Variants in OTOG observed in about 807,000 individuals in gnomAD.
OTOG encodes the protein otogelin.
A neutral mutation model predicts 313.8 loss-of-function variants in OTOG; 296 were observed. That is an observed-to-expected ratio of 0.94 (90% CI 0.86 to 1.04). OTOG has a LOEUF of 1.04. Ranked by LOEUF, OTOG falls within the 50% of genes least tolerant of loss-of-function variation. The probability of loss-of-function intolerance (pLI) is 0.00; values close to 1 mark genes in which losing one functional copy is unlikely to be tolerated. For missense variants in OTOG, 3,948 were observed against 3,840.1 expected (o/e 1.03, Z -0.74); for synonymous variants, 1,533 against 1,554.9 (o/e 0.99, Z 0.33).
At chr11:17,562,919 T>A (rs540666984) in intron 15 of OTOG, among the ~76,000 whole-genome samples, 79 of 152,248 alleles carry the variant, frequency 5.2e-4, no homozygotes, top group African/African-American at 1.9e-3. Flanking sequence ...CTGGGCCCTA[T>A]AGTTTGGTGG....
intron 54 of OTOG, among the ~76,000 whole-genome samples, chr11:17,643,794 T>C (rs1848020583): frequency 1.3e-5 from 2 of 152,200 alleles, no homozygotes; most frequent in African/African-American, 4.8e-5. Flanking sequence ...AGCTCACCAG[T>C]TACTTCGCCT....
chr11:17,602,147 C>T, intron 31 of OTOG, 63 bp from the exon 32 acceptor site: 1 of 1,523,802 alleles, frequency 6.6e-7, no homozygotes, highest in Non-Finnish European at 8.8e-7. Context: ...AGGGGTGGGG[C>T]AGGAGGTATG....
At position 17,596,126 on chromosome 11, in the gene OTOG, G is replaced by T. The variant is rs963618291; in HGVS notation, c.3497G>T (p.Ser1166Ile). The change falls in exon 29 of 56, where the codon AGT becomes ATT. Residue 1166 changes from serine to isoleucine, a missense_variant. Transcript: ENST00000399397. The part of the protein sequence containing the change: ...FAKKECSILL[S>I]EVFEICHPVV... ...AAGAAGGAGTGCAGCATCCTGCTCA[G>T]TGAGGTGTTTGAGATCTGCCACCCT... 110 of 1,550,608 alleles carry T rather than the reference G, an allele frequency of 7.1e-5. 1 individual carries two copies. Among genetic ancestry groups the T allele is most frequent in the Middle Eastern group, 5.0e-4 (3 of 5,992 alleles).
chr11:17,645,579 G>A lies in OTOG; in HGVS notation c.8477G>A (p.Arg2826His), dbSNP rs544815967. 153 of 1,550,608 alleles carry A rather than the reference G, an allele frequency of 9.9e-5. No homozygotes were observed. The African/African-American group carries it at 1.5e-3, about 15-fold the overall frequency. Residue 2826 changes from arginine to histidine, a missense_variant, in exon 55 of 56, where the codon CGC becomes CAC. By Grantham distance (29) the Arg-to-His change is conservative. Transcript: ENST00000399397. ...GTCCCCCCAGGTAAGGAGGATGGGC[G>A]CTCCTGCAAGAAGGTGACCATCCGC... ...GCCRTCKEDG[R>H]SCKKVTIRMT...
chr11:17,643,434 C>T (rs1848012944), intron 53 of OTOG, 27 bp from the exon 54 acceptor site: 1 of 1,419,332 alleles, frequency 7.0e-7, no homozygotes, highest in East Asian at 2.9e-5. Flanking sequence ...CCACACCTAC[C>T]TACCTCCCCC....
At position 17,576,886 on chromosome 11, in the gene OTOG, C is replaced by A. The variant is rs1434923981; in HGVS notation, c.2580C>A (p.Val860=). ...TCTGCAGCCACTGCAAAGATGGAGT[C>A]ATGAGCTGTGATAGCAGAGCCCCAG... ...SLGHCHCKDG[V]MSCDSRAPAA... The change falls in exon 22 of 56, where the codon GTC becomes GTA. Residue 860 remains valine, a synonymous_variant. Transcript: ENST00000399397. The A allele has an allele frequency of 6.4e-7, 1 of 1,550,452 alleles. No homozygotes were observed. The highest frequency in any genetic ancestry group is 1.7e-4 in the Middle Eastern group (1 of 5,990).
intron 23 of OTOG, among the ~76,000 whole-genome samples, chr11:17,580,123 C>G (rs1852632656): frequency 6.6e-6 from 1 of 152,212 alleles, no homozygotes; most frequent in Admixed American, 6.5e-5. Flanking sequence ...TGTCTGGCCA[C>G]CATGCCCTTC....
At chr11:17,598,863 C>T (rs1461874414) in intron 30 of OTOG, among the ~76,000 whole-genome samples, 5 of 152,226 alleles carry the variant, frequency 3.3e-5, no homozygotes, top group African/African-American at 9.6e-5. Context: ...GGGCCTGTCT[C>T]CTGACTCCTA....
chr11:17,550,092 G>C (rs1266850491), intron 3 of OTOG, among the ~76,000 whole-genome samples: 2 of 152,186 alleles, frequency 1.3e-5, no homozygotes, highest in Admixed American at 6.5e-5. Context: ...CTGAAATTCA[G>C]CATCCTTTTC....
rs771604601 is a variant in OTOG at position 17,553,179 on chromosome 11, G to A, written c.353G>A (p.Arg118His). Reference protein sequence around the residue: ...CVHPAFCDCRRFNATGPRCQM... With the variant: ...CVHPAFCDCRHFNATGPRCQM... The stretch of plus-strand genomic sequence containing the variant: ...CACCCAGCCTTCTGTGACTGCAGAC[G>A]CTTCAATGCCACTGGACCGCGCTGC... Residue 118 changes from arginine (R) to histidine (H), a missense_variant, in exon 5 of 56, where the codon CGC becomes CAC. Transcript: ENST00000399397. The A allele has an allele frequency of 7.0e-5, 109 of 1,550,398 alleles. 1 individual carries two copies. The highest frequency in any genetic ancestry group is 1.9e-4 in the African/African-American group (14 of 73,052).
At chr11:17,571,637 T>C (rs1031628356) in intron 17 of OTOG, among the ~76,000 whole-genome samples, 2 of 152,194 alleles carry the variant, frequency 1.3e-5, no homozygotes, top group Admixed American at 1.3e-4. Context: ...GATGTCCCTG[T>C]TTCTTTTTCT....
At chr11:17,587,732 G>T (rs542682942) in intron 24 of OTOG, among the ~76,000 whole-genome samples, 4 of 152,316 alleles carry the variant, frequency 2.6e-5, no homozygotes, top group Admixed American at 1.3e-4. Context: ...GACCCCAGAA[G>T]TCCCTGGGTA....
intron 24 of OTOG, among the ~76,000 whole-genome samples, chr11:17,588,078 A>T (rs976964439): frequency 6.6e-6 from 1 of 152,192 alleles, no homozygotes; most frequent in African/African-American, 2.4e-5. Context: ...AGCTGGGATT[A>T]TTTAGGATTT....
rs1847961864 is a variant in OTOG at position 17,641,104 on chromosome 11, C to T, written c.8190+13C>T. On this transcript the variant is annotated intron_variant, in intron 51 of 55. Transcript: ENST00000399397. ...CCACTGTGAGGCGGTAGGGTGCAGC[C>T]CAGGGCGGGGTGGGTGGGGTTGGGA... 2 of 817,678 alleles carry T rather than the reference C, an allele frequency of 2.4e-6. No individual in the cohort carries two copies. Among genetic ancestry groups the T allele is most frequent in the South Asian group, 1.4e-5 (1 of 69,804 alleles). The allele number at this position is 817,678 out of a possible 1,614,324, so 50.7% of individuals were successfully genotyped here. A position where few individuals can be genotyped will look rare whatever the true frequency, so the allele number is the denominator to read the frequency against.
At chr11:17,642,399 A>T (rs1018469724) in intron 53 of OTOG, among the ~76,000 whole-genome samples, 153 bp downstream of exon 53, 1 of 152,180 alleles carries the variant, frequency 6.6e-6, no homozygotes, top group Admixed American at 6.5e-5. Context: ...GTCTCTCTGC[A>T]TTTCTTTTTG....
At position 17,578,435 on chromosome 11, in the gene OTOG, C is replaced by T; in HGVS notation, c.2668C>T (p.Leu890=). The T allele has an allele frequency of 1.3e-6, 2 of 1,541,678 alleles. No homozygotes were observed. Among genetic ancestry groups the T allele is most frequent in the Non-Finnish European group, 8.7e-7 (1 of 1,146,856 alleles). ...NCSDLHTDLE[L]SRERTCEQQL... is the part of the protein sequence containing the mutation. Reference sequence around the variant, plus strand: ...CAGCGACCTGCACACGGACCTGGAGCTGAGCAGGGAGAGGACGTGTGAGCA... The same window carrying T: ...CAGCGACCTGCACACGGACCTGGAGTTGAGCAGGGAGAGGACGTGTGAGCA... The change falls in exon 23 of 56, where the codon CTG becomes TTG. Residue 890 remains leucine (L), a synonymous_variant. Transcript: ENST00000399397.
chr11:17,606,176 C>G, intron 33 of OTOG, 41 bp downstream of exon 33: 1 of 1,492,922 alleles, frequency 6.7e-7, no homozygotes. Flanking sequence ...CTTTGGCCCT[C>G]TCAGTCCACT....
chr11:17,576,081 GCTGGGTGTCC>G (rs1163077954), intron 20 of OTOG, among the ~76,000 whole-genome samples: 1 of 152,234 alleles, frequency 6.6e-6, no homozygotes, highest in East Asian at 1.9e-4. Flanking sequence ...AGAGGGCCTG[GCTGGGTGTCC>G]CTGGCCAGAG....
intron 19 of OTOG, among the ~76,000 whole-genome samples, chr11:17,573,918 G>C (rs1196126935): frequency 6.6e-6 from 1 of 152,244 alleles, no homozygotes; most frequent in East Asian, 1.9e-4. Context: ...CTCTGAGCTA[G>C]TTTCCCCAAA....
Sources: allele counts gnomAD v4.1 joint callset (sites outside exome capture counted in the v4.1 genomes callset), GRCh38; gene constraint gnomAD v4.1.1; transcripts MANE v1.5; gene names NCBI Gene and HGNC (gene_info 2026-07-23, HGNC 2026-07-21).